PRUNE2: variants seen among roughly 807,000 people sequenced by gnomAD.
PRUNE2 encodes protein prune homolog 2.
A neutral mutation model predicts 252.0 loss-of-function variants in PRUNE2; 164 were observed. The ratio of observed to expected loss-of-function variants is 0.65; its 90% CI spans 0.57 to 0.74. The LOEUF (loss-of-function observed/expected upper bound fraction) is 0.74. PRUNE2 is among the 30% of genes least tolerant of loss of function. The probability of loss-of-function intolerance (pLI) is 0.00; values close to 1 mark genes in which losing one functional copy is unlikely to be tolerated. For missense variants in PRUNE2, 3,495 were observed against 3,711.0 expected (o/e 0.94, Z 1.51); for synonymous variants, 1,292 against 1,350.2 (o/e 0.96, Z 0.94).
chr9:76,807,051 T>TGTGTGTGTGTGTGTGTGTGCGCGC (rs60768420), intron 6 of PRUNE2, among the ~76,000 whole-genome samples: 1 of 139,338 alleles, frequency 7.2e-6, no homozygotes, highest in African/African-American at 2.8e-5. Flanking sequence ...TGTGTGTGTG[T>TGTGTGTGTGTGTGTGTGTGCGCGC]GCGCGCGCGC....
intron 6 of PRUNE2, among the ~76,000 whole-genome samples, chr9:76,772,536 T>TA (rs1261814203): frequency 6.6e-6 from 1 of 152,126 alleles, no homozygotes; most frequent in African/African-American, 2.4e-5. Flanking sequence ...TGGACAAGGT[T>TA]AACTGCAACT....
chr9:76,649,612 TGATAGATA>T (rs56889503), intron 11 of PRUNE2, among the ~76,000 whole-genome samples: 5,334 of 149,966 alleles, frequency 0.036, 124 homozygotes, highest in African/African-American at 0.057. Flanking sequence ...GATAGATAGA[TGATAGATA>T]GATAGATAGA....
intron 9 of PRUNE2, among the ~76,000 whole-genome samples, chr9:76,659,258 T>A (rs955272305): frequency 1.3e-5 from 2 of 152,272 alleles, no homozygotes; most frequent in African/African-American, 4.8e-5. Flanking sequence ...TCAAAGGGAA[T>A]ATTTGACTTA....
chr9:76,670,495 A>G (rs1257705882), intron 9 of PRUNE2, among the ~76,000 whole-genome samples: 1 of 151,632 alleles, frequency 6.6e-6, no homozygotes, highest in East Asian at 1.9e-4. Flanking sequence ...ACCATTGCCC[A>G]GGCTTGATTA....
In PRUNE2 at chr9:76,708,482, G is replaced by A. The variant is rs2046466930; in HGVS notation, c.3792C>T (p.Ser1264=). The change falls in exon 8 of 19, where the codon TCC becomes TCT. Residue 1264 remains serine, a synonymous_variant. Coordinates refer to ENST00000376718, the MANE Select transcript of PRUNE2 (RefSeq NM_015225.3). ...TTCCAGAGGCTGCTGGCGCATCTGG[G>A]GAATGAGTGTCTTTAACATTTGCTG... ...SHSANVKDTH[S]PDAPAASGTS... The A allele has an allele frequency of 6.2e-7, 1 of 1,613,954 alleles. No individual in the cohort carries two copies. Among genetic ancestry groups the A allele is most frequent in the Non-Finnish European group, 8.5e-7 (1 of 1,179,884 alleles).
Position 76,614,547 on chromosome 9 carries a change from T to G in PRUNE2, c.*23A>C. ...AACAGAACCATGAACCAGAAAAGCA[T>G]CCTCTTCTTCCAGCATGGCCAACTA... On this transcript the variant is annotated 3_prime_UTR_variant, in exon 19 of 19. Transcript: ENST00000376718. The G allele has an allele frequency of 6.2e-7, 1 of 1,603,018 alleles. No homozygotes were observed. The highest frequency in any genetic ancestry group is 8.5e-7 in the Non-Finnish European group (1 of 1,170,166).
At chr9:76,793,215 T>C (rs1315695801) in intron 6 of PRUNE2, among the ~76,000 whole-genome samples, 2 of 152,186 alleles carry the variant, frequency 1.3e-5, no homozygotes, top group Non-Finnish European at 2.9e-5. Context: ...TTTCAAACAC[T>C]GAGAGATATG....
intron 1 of PRUNE2, among the ~76,000 whole-genome samples, chr9:76,880,959 A>ATTTT (rs1212200598): frequency 3.6e-5 from 5 of 137,144 alleles, no homozygotes; most frequent in African/African-American, 8.3e-5. Flanking sequence ...ATCCTTGTTA[A>ATTTT]TTTTTTTTTT....
chr9:76,801,363 A>G (rs971024674), intron 6 of PRUNE2, among the ~76,000 whole-genome samples: 2 of 152,212 alleles, frequency 1.3e-5, no homozygotes, highest in Non-Finnish European at 2.9e-5. Context: ...GATCTAGAAA[A>G]TTTGGCATGG....
chr9:76,669,846 G>A (rs113448510), intron 9 of PRUNE2, among the ~76,000 whole-genome samples: 2,142 of 152,220 alleles, frequency 0.014, 54 homozygotes, highest in African/African-American at 0.048. Context: ...CACTCCTCCC[G>A]AGTCTTCTGC....
rs1176870207 is a variant in PRUNE2, at chr9:76,708,763, G to C, written c.3511C>G (p.Gln1171Glu). 6.2e-7 allele frequency: 1 copy of C among 1,613,844 alleles called. No individual in the cohort carries two copies. The highest frequency in any genetic ancestry group is 8.5e-7 in the Non-Finnish European group (1 of 1,179,900). ...SEPETRFTVRQLEPWGLEYQE... is the reference protein window; with the variant it reads ...SEPETRFTVRELEPWGLEYQE... Reference sequence around the variant, plus strand: ...TACTCCAAGCCCCAGGGTTCCAGCTGTCTCACTGTAAATCGGGTTTCCGGC... The same window carrying C: ...TACTCCAAGCCCCAGGGTTCCAGCTCTCTCACTGTAAATCGGGTTTCCGGC... The change falls in exon 8 of 19, where the codon CAG becomes GAG. Residue 1171 changes from glutamine to glutamate, a missense_variant. By Grantham distance (29) the Gln-to-Glu change is conservative. Transcript: ENST00000376718.
intron 6 of PRUNE2, among the ~76,000 whole-genome samples, chr9:76,718,846 A>T (rs1290270858): frequency 6.6e-6 from 1 of 152,126 alleles, no homozygotes; most frequent in East Asian, 1.9e-4. Context: ...CTGTCCTATT[A>T]AATGGCACCA....
chr9:76,694,042 C>A (rs2134528270), intron 9 of PRUNE2, among the ~76,000 whole-genome samples: 1 of 152,228 alleles, frequency 6.6e-6, no homozygotes, highest in Middle Eastern at 3.4e-3. Context: ...CTGCCCAGGG[C>A]AAAGGCTGAA....
chr9:76,867,533 C>T (rs1484225917), intron 1 of PRUNE2, among the ~76,000 whole-genome samples: 1 of 152,092 alleles, frequency 6.6e-6, no homozygotes, highest in East Asian at 1.9e-4. Context: ...ACTGAGAGCC[C>T]TCACCTTGCT....
intron 6 of PRUNE2, among the ~76,000 whole-genome samples, chr9:76,762,756 A>G (rs1467629323): frequency 6.6e-6 from 1 of 152,200 alleles, no homozygotes; most frequent in African/African-American, 2.4e-5. Flanking sequence ...GCCCTTCGCC[A>G]TGAGCATGGC....
chr9:76,752,713 G>C (rs988118311), intron 6 of PRUNE2, among the ~76,000 whole-genome samples: 2 of 152,138 alleles, frequency 1.3e-5, no homozygotes, highest in African/African-American at 4.8e-5. Context: ...TTTTGGACAG[G>C]TTAATAATGG....
Position 76,707,506 on chromosome 9 carries a change from CA to C in PRUNE2, c.4767del (p.Asp1590MetfsTer4). The C allele has an allele frequency of 6.2e-7, 1 of 1,613,926 alleles. No homozygotes were observed. Among genetic ancestry groups the C allele is most frequent in the South Asian group, 1.1e-5 (1 of 91,074 alleles). ...QNHQESELIT[T>X]DGQVEIVTKV... ...TTGGTAACTATTTCTACTTGGCCAT[CA>C]GTGGTAATTAGTTCAGATTCTTGGT... On this transcript the variant is annotated frameshift_variant, in exon 8 of 19. Transcript: ENST00000376718. LOFTEE classifies it high-confidence loss of function.
chr9:76,775,913 T>G (rs1361859), intron 6 of PRUNE2, among the ~76,000 whole-genome samples: 23,956 of 145,590 alleles, frequency 0.16, 1,952 homozygotes, highest in African/African-American at 0.24. Context: ...CCTCCTCCTA[T>G]GACTACACAT....
chr9:76,809,156 G>C (rs1026502956), intron 6 of PRUNE2, among the ~76,000 whole-genome samples: 1 of 152,122 alleles, frequency 6.6e-6, no homozygotes, highest in African/African-American at 2.4e-5. Context: ...AGCACTTTCT[G>C]ATCTACCTCC....
Sources: allele counts gnomAD v4.1 joint callset (sites outside exome capture counted in the v4.1 genomes callset), GRCh38; gene constraint gnomAD v4.1.1; transcripts MANE v1.5; gene names NCBI Gene and HGNC (gene_info 2026-07-23, HGNC 2026-07-21).